Variants in ASZ1 observed in about 807,000 individuals in gnomAD.
ASZ1 encodes the protein ankyrin repeat, SAM and basic leucine zipper domain containing 1.
In ASZ1, 67 loss-of-function variants were observed where a neutral mutation model predicts 61.8. That is an observed-to-expected ratio of 1.08 (90% CI 0.89 to 1.33). The LOEUF (loss-of-function observed/expected upper bound fraction) is 1.33. Among genes scored for constraint, ASZ1 ranks in the 40% most tolerant of loss-of-function variants. ASZ1 has a pLI of 0.00. For missense variants in ASZ1, 577 were observed against 554.5 expected, an observed-to-expected ratio of 1.04 and a Z score of -0.41; for synonymous variants, 193 against 192.7, an observed-to-expected ratio of 1.00 and a Z score of -0.01.
rs940037451 is a variant in ASZ1 at position 117,427,477 on chromosome 7, C to G, written c.-17G>C. 1 of 1,613,156 alleles carries G rather than the reference C, an allele frequency of 6.2e-7. No individual in the cohort carries two copies. The highest frequency in any genetic ancestry group is 8.5e-7 in the Non-Finnish European group (1 of 1,179,464). On this transcript the variant is annotated 5_prime_UTR_variant, in exon 1 of 13. Coordinates refer to ENST00000284629, the MANE Select transcript of ASZ1 (RefSeq NM_130768.3). ...CGCCGCCATGCCAGCCAAGGAAGCT[C>G]CCTGTCGGCACCGCGCGCCCTTCAG...
chr7:117,380,273 A>G (rs906203551), intron 9 of ASZ1, among the ~76,000 whole-genome samples: 4 of 151,806 alleles, frequency 2.6e-5, no homozygotes, highest in African/African-American at 9.7e-5. Context: ...ATTTTTTTGC[A>G]ATACATAACA....
At chr7:117,410,799 G>A (rs983833591) in intron 4 of ASZ1, among the ~76,000 whole-genome samples, 2 of 151,386 alleles carry the variant, frequency 1.3e-5, no homozygotes, top group African/African-American at 4.8e-5. Flanking sequence ...TTCAAATTTA[G>A]AATTTAAAGC....
chr7:117,395,743 T>A (rs1796565808), intron 4 of ASZ1, among the ~76,000 whole-genome samples: 1 of 152,158 alleles, frequency 6.6e-6, no homozygotes, highest in Admixed American at 6.5e-5. Flanking sequence ...TAATATAATT[T>A]AAAAATTATG....
chr7:117,392,386 T>C (rs1796487744), intron 4 of ASZ1, among the ~76,000 whole-genome samples: 1 of 152,200 alleles, frequency 6.6e-6, no homozygotes, highest in Non-Finnish European at 1.5e-5. Flanking sequence ...AGTTCTCCTG[T>C]AGAGATCTTT....
chr7:117,403,242 T>C (rs1449643002), intron 4 of ASZ1, among the ~76,000 whole-genome samples: 1 of 152,172 alleles, frequency 6.6e-6, no homozygotes, highest in African/African-American at 2.4e-5. Context: ...GAAGTGATAT[T>C]TTAATTTCTG....
At chr7:117,421,810 C>A (rs976211426) in intron 3 of ASZ1, among the ~76,000 whole-genome samples, 1 of 152,142 alleles carries the variant, frequency 6.6e-6, no homozygotes, top group Non-Finnish European at 1.5e-5. Context: ...CAAAGCACTT[C>A]TGAATGGAAA....
Position 117,381,025 on chromosome 7 carries a change from C to T in ASZ1, c.931G>A (p.Asp311Asn). 6.3e-7 allele frequency: 1 copy of T among 1,598,000 alleles called. No homozygotes were observed. Among genetic ancestry groups the T allele is most frequent in the Non-Finnish European group, 8.5e-7 (1 of 1,171,420 alleles). The change falls in exon 9 of 13, where the codon GAT becomes AAT. Residue 311 changes from aspartate (D) to asparagine (N), a missense_variant. By Grantham distance (23) the Asp-to-Asn change is conservative. Coordinates refer to ENST00000284629, the MANE Select transcript of ASZ1 (RefSeq NM_130768.3). ...TLRHLLTMRE[D>N]EFTKNGITSK... ...TTGATACTAACCTTTGTAAATTCAT[C>T]TTCCCTCATGGTCAAAAGATGTCTT...
At chr7:117,414,481 TTTAA>T (rs1440160232) in intron 4 of ASZ1, among the ~76,000 whole-genome samples, 3 of 152,298 alleles carry the variant, frequency 2.0e-5, no homozygotes, top group African/African-American at 4.8e-5. Context: ...ATGATAAAAA[TTTAA>T]TTATTTATTT....
In ASZ1 at chr7:117,368,501, C is replaced by T; in HGVS notation, c.1161+111G>A. 4 of 1,469,794 alleles carry T rather than the reference C, an allele frequency of 2.7e-6. No individual in the cohort carries two copies. The East Asian group carries it at 9.6e-5, about 35-fold the overall frequency. 91.0% of individuals were successfully genotyped at this position (1,469,794 alleles called of 1,614,324 possible). On this transcript the variant is annotated intron_variant, in intron 11 of 12. Coordinates refer to ENST00000284629, the MANE Select transcript of ASZ1 (RefSeq NM_130768.3). ...TTAGATCTTATGTGATTTTGCAGAA[C>T]AAACGATGTAATTTCAGCAAATCAA...
At chr7:117,374,600 GAATACGTTGAAATAAAAAACAGTATTTGT>G (rs1240791239) in intron 10 of ASZ1, among the ~76,000 whole-genome samples, 1 of 151,812 alleles carries the variant, frequency 6.6e-6, no homozygotes, top group East Asian at 1.9e-4. Flanking sequence ...AATCAAACTG[GAATACGTTGAAATAAAAAACAGTATTTGT>G]ATTAGTAGAA....
In ASZ1 at chr7:117,420,143, A is replaced by G. The variant is rs745973634; in HGVS notation, c.440+20T>C. On this transcript the variant is annotated intron_variant, in intron 4 of 12. Coordinates refer to ENST00000284629, the MANE Select transcript of ASZ1 (RefSeq NM_130768.3). The stretch of plus-strand genomic sequence containing the variant: ...AATTCTAATTTGACTTGAATTTTGA[A>G]CAGATATAAAGGCTCTTACCTACAA... 20 of 1,543,564 alleles carry G rather than the reference A, an allele frequency of 1.3e-5. No individual in the cohort carries two copies. In the South Asian group the frequency reaches 2.4e-4, roughly 18 times the overall value.
chr7:117,426,242 G>A lies in ASZ1; in HGVS notation c.205+594C>T, dbSNP rs908792434. 2.6e-5 allele frequency among the ~76,000 whole-genome samples: 4 copies of A among 151,630 alleles called. No individual in the cohort carries two copies. In the East Asian group the frequency reaches 7.8e-4, roughly 29 times the overall value. The stretch of plus-strand genomic sequence containing the variant: ...CATGCCTGTAATCCCAGCACTTTGG[G>A]AGGCCGAGACAGGCGGATCACAAGG... On this transcript the variant is annotated intron_variant, in intron 2 of 12. Transcript: ENST00000284629.
chr7:117,403,834 G>A lies in ASZ1; in HGVS notation c.440+16329C>T, dbSNP rs115533756. On this transcript the variant is annotated intron_variant, in intron 4 of 12. Coordinates refer to ENST00000284629, the MANE Select transcript of ASZ1 (RefSeq NM_130768.3). Reference sequence around the variant, plus strand: ...GCCGCAGAGCAGGAGGTGAGTGGCAGGTGAGCGAGCATTACCATCTGAGCT... The same window carrying A: ...GCCGCAGAGCAGGAGGTGAGTGGCAAGTGAGCGAGCATTACCATCTGAGCT... 4.5e-3 allele frequency among the ~76,000 whole-genome samples: 692 copies of A among 152,284 alleles called. 8 individuals carry two copies. The highest frequency in any genetic ancestry group is 0.016 in the African/African-American group (667 of 41,542).
intron 10 of ASZ1, among the ~76,000 whole-genome samples, chr7:117,377,024 T>G (rs1016520984): frequency 4.6e-5 from 7 of 152,016 alleles, no homozygotes; most frequent in Non-Finnish European, 8.8e-5. Context: ...ATAGAAAATC[T>G]CAAACAATCT....
rs1456660984 is a variant in ASZ1 at position 117,422,256 on chromosome 7, A to G, written c.309T>C (p.Ala103=). Residue 103 remains alanine, a synonymous_variant, in exon 3 of 13, where the codon GCT becomes GCC. Coordinates refer to ENST00000284629, the MANE Select transcript of ASZ1 (RefSeq NM_130768.3). ...TCTTACCCTTCTCAAAGCTTGCATT[A>G]GCACCTCTGTCCAAAAGGACCCGAA... ...ELVRVLLDRG[A]NASFEKDKQS... 6.2e-7 allele frequency: 1 copy of G among 1,613,730 alleles called. No homozygotes were observed. The highest frequency in any genetic ancestry group is 1.7e-5 in the Admixed American group (1 of 59,924).
intron 5 of ASZ1, 135 bp from the exon 6 acceptor site, chr7:117,384,995 A>C (rs1329837982): frequency 1.3e-6 from 1 of 785,430 alleles, no homozygotes. Flanking sequence ...CAATCTCTTC[A>C]TTTTACAATA....
chr7:117,423,830 C>A (rs1385698880), intron 2 of ASZ1, among the ~76,000 whole-genome samples: 5 of 151,146 alleles, frequency 3.3e-5, no homozygotes, highest in Non-Finnish European at 7.4e-5. Context: ...CCACTGCACT[C>A]CAGCCTGGGC....
intron 12 of ASZ1, among the ~76,000 whole-genome samples, chr7:117,365,945 T>G (rs758827450): frequency 2.6e-5 from 4 of 152,266 alleles, no homozygotes; most frequent in Non-Finnish European, 4.4e-5. Flanking sequence ...TAGAATTTGC[T>G]TCACAACTTT....
chr7:117,394,104 C>G (rs934205833), intron 4 of ASZ1, among the ~76,000 whole-genome samples: 1 of 151,976 alleles, frequency 6.6e-6, no homozygotes, highest in Non-Finnish European at 1.5e-5. Context: ...CTCTCCCCCA[C>G]CCTGGCCCCC....
Sources: gnomAD v4.1 joint callset for allele counts (sites outside exome capture counted in the v4.1 genomes callset) on GRCh38, gnomAD v4.1.1 for gene constraint, MANE v1.5 for transcripts, NCBI Gene and HGNC (gene_info 2026-07-23, HGNC 2026-07-21) for gene names.